Variants in MTMR8 observed in about 807,000 individuals in gnomAD.
MTMR8 encodes phosphatidylinositol-3,5-bisphosphate 3-phosphatase MTMR8.
Under a neutral mutation model 39.3 loss-of-function variants are expected in MTMR8, and 65 were observed. The ratio of observed to expected loss-of-function variants is 1.65; its 90% CI spans 1.35 to 2.03. The LOEUF (loss-of-function observed/expected upper bound fraction) is 2.03, where lower values mean the gene tolerates loss of function less well. Ranked by LOEUF, MTMR8 falls within the 30% of genes most tolerant of loss-of-function variation. The pLI, the probability that MTMR8 is intolerant of heterozygous loss-of-function variation, is 0.00. For synonymous variants in MTMR8, 245 were observed against 185.2 expected (o/e 1.32, Z -2.62); for missense variants, 777 against 538.9 (o/e 1.44, Z -4.37).
At chrX:64,271,440 G>A (rs1931757490) in intron 12 of MTMR8, among the ~76,000 whole-genome samples, 1 of 112,183 alleles carries the variant, frequency 8.9e-6, no homozygotes, top group African/African-American at 3.2e-5. Context: ...TTCCCCCAAT[G>A]GATACACTGA....
At chrX:64,315,720 A>G (rs1381564220) in intron 12 of MTMR8, among the ~76,000 whole-genome samples, 1 of 111,101 alleles carries the variant, frequency 9.0e-6, no homozygotes, top group African/African-American at 3.3e-5. Flanking sequence ...TATTAAGATC[A>G]TTTACATTTA....
rs150490007 is a variant in MTMR8 at position 64,359,484 on chromosome X, G to A, written c.68C>T (p.Pro23Leu). 43 of 1,204,347 alleles carry A rather than the reference G, an allele frequency of 3.6e-5. No homozygotes were observed. The African/African-American group carries it at 4.6e-4, about 13-fold the overall frequency. ...AGTAAGATAAAGAATCCCATTAGCT[G>A]GTTTCTTACTCACATAACGATCCAC... ...KLVDRYVSKKPANGILYLTAT... is the reference protein window; with the variant it reads ...KLVDRYVSKKLANGILYLTAT... The change falls in exon 2 of 14, where the codon CCA becomes CTA. Residue 23 changes from proline (P) to leucine (L), a missense_variant. Pro to Leu is a moderately conservative substitution (Grantham distance 98). Coordinates refer to ENST00000374852, the MANE Select transcript of MTMR8 (RefSeq NM_017677.4).
chrX:64,283,943 C>A (rs978689601), intron 12 of MTMR8, among the ~76,000 whole-genome samples: 1 of 112,417 alleles, frequency 8.9e-6, no homozygotes, highest in Non-Finnish European at 1.9e-5. Context: ...GAACGCAGCT[C>A]CTCAACAGCA....
intron 1 of MTMR8, among the ~76,000 whole-genome samples, chrX:64,366,481 CT>C (rs1305311421): frequency 8.9e-6 from 1 of 112,044 alleles, no homozygotes; most frequent in East Asian, 2.8e-4. Flanking sequence ...TACATGGAAG[CT>C]GAACAACCTG....
At position 64,356,184 on chromosome X, in the gene MTMR8, G is replaced by A. The variant is rs767679304; in HGVS notation, c.302C>T (p.Ser101Phe). Residue 101 changes from serine (S) to phenylalanine (F), a missense_variant, in exon 3 of 14, where the codon TCT becomes TTT. Transcript: ENST00000374852. Reference sequence around the variant, plus strand: ...AATACTATCATAACTACCTGGCTGAGAAAGCTTGAGCAGTGAAATATAAAC... The same window carrying A: ...AATACTATCATAACTACCTGGCTGAAAAAGCTTGAGCAGTGAAATATAAAC... ...HEVYISLLKL[S>F]QPALPEDLYA... 5 of 1,204,429 alleles carry A rather than the reference G, an allele frequency of 4.2e-6. No homozygotes were observed. The South Asian group carries it at 5.4e-5, about 13-fold the overall frequency.
chrX:64,364,738 G>A (rs994521945), intron 1 of MTMR8, among the ~76,000 whole-genome samples: 3 of 111,737 alleles, frequency 2.7e-5, no homozygotes, highest in African/African-American at 9.7e-5. Context: ...CACCAGCAAC[G>A]GAACAAAGCT....
intron 12 of MTMR8, among the ~76,000 whole-genome samples, chrX:64,325,579 C>A (rs1922767651): frequency 9.0e-6 from 1 of 111,512 alleles, no homozygotes; most frequent in South Asian, 3.7e-4. Flanking sequence ...AGGCATTTGA[C>A]AAAATTAAAT....
At chrX:64,326,797 T>A (rs1260340912) in intron 12 of MTMR8, among the ~76,000 whole-genome samples, 1 of 109,834 alleles carries the variant, frequency 9.1e-6, no homozygotes, top group Admixed American at 9.7e-5. Flanking sequence ...CTATCTGACT[T>A]CAAAATGTAC....
At chrX:64,367,948 C>A (rs1407698416) in intron 1 of MTMR8, among the ~76,000 whole-genome samples, 1 of 111,900 alleles carries the variant, frequency 8.9e-6, no homozygotes, top group Admixed American at 9.5e-5. Flanking sequence ...AAATCACAAG[C>A]ATTCCTATAC....
intron 12 of MTMR8, chrX:64,304,905 T>TATAC (rs1368909342): frequency 1.3e-5 from 1 of 78,861 alleles, no homozygotes; most frequent in Non-Finnish European, 2.5e-5. Context: ...TATATATATA[T>TATAC]ATACACATAC....
At chrX:64,336,396 G>A (rs1172085205) in intron 9 of MTMR8, among the ~76,000 whole-genome samples, 4 of 110,108 alleles carry the variant, frequency 3.6e-5, no homozygotes, top group African/African-American at 1.3e-4. Context: ...ATAACTAAAT[G>A]CAATCCTGAT....
intron 1 of MTMR8, among the ~76,000 whole-genome samples, chrX:64,362,251 A>G (rs903615994): frequency 6.5e-5 from 7 of 107,886 alleles, no homozygotes; most frequent in Non-Finnish European, 1.2e-4. Context: ...TTATCCCTCA[A>G]TCTATAAATT....
chrX:64,271,105 G>GTTAGT, intron 12 of MTMR8, 32 bp from the exon 13 acceptor site: 1 of 1,163,007 alleles, frequency 8.6e-7, no homozygotes, highest in South Asian at 2.1e-5. Flanking sequence ...GGAAAAGTGG[G>GTTAGT]TTAGTTTAGC....
chrX:64,301,163 G>A (rs1396048843), intron 12 of MTMR8, among the ~76,000 whole-genome samples: 1 of 109,948 alleles, frequency 9.1e-6, no homozygotes, highest in Non-Finnish European at 1.9e-5. Flanking sequence ...ATAATATCCT[G>A]CAGAGTGTTT....
rs778962275 is a variant in MTMR8, at chrX:64,308,320, A to ATTTT, written c.1481+20448_1481+20451dup. On this transcript the variant is annotated intron_variant, in intron 12 of 13. Transcript: ENST00000374852. The stretch of plus-strand genomic sequence containing the variant: ...CAGGTGCCTGCCATCACGGCTGGCT[A>ATTTT]TTTTTTTTTTTTTTTTTTTTTTGTA... 1.0e-4 allele frequency among the ~76,000 whole-genome samples: 7 copies of ATTTT among 69,601 alleles called. 1 individual carries two copies. Among genetic ancestry groups the ATTTT allele is most frequent in the African/African-American group, 4.5e-4 (7 of 15,406 alleles). The allele number at this position is 69,601 out of a possible 115,157, so 60.4% of individuals were successfully genotyped here. A position where few individuals can be genotyped will look rare whatever the true frequency, so the allele number is the denominator to read the frequency against.
chrX:64,344,680 GA>G (rs1002136973), intron 7 of MTMR8, among the ~76,000 whole-genome samples: 1 of 111,393 alleles, frequency 9.0e-6, no homozygotes, highest in Non-Finnish European at 1.9e-5. Flanking sequence ...CCAAATTAAA[GA>G]AGATAATTTC....
At chrX:64,392,363 A>G (rs1157654387) in intron 1 of MTMR8, among the ~76,000 whole-genome samples, 3 of 112,682 alleles carry the variant, frequency 2.7e-5, no homozygotes, top group Non-Finnish European at 3.7e-5. Context: ...TATAGCAATG[A>G]GAATGATCTA....
In MTMR8 at chrX:64,282,318, A is replaced by G. The variant is rs370390105; in HGVS notation, c.1482-11245T>C. 4.5e-5 allele frequency among the ~76,000 whole-genome samples: 5 copies of G among 110,793 alleles called. No individual in the cohort carries two copies. In the East Asian group the frequency reaches 1.1e-3, roughly 25 times the overall value. Reference sequence around the variant, plus strand: ...CACAATAGCTAAGACTTGGAACCACATGTGGACACAGGGAGGGGAACAACA... The same window carrying G: ...CACAATAGCTAAGACTTGGAACCACGTGTGGACACAGGGAGGGGAACAACA... On this transcript the variant is annotated intron_variant, in intron 12 of 13. Coordinates refer to ENST00000374852, the MANE Select transcript of MTMR8 (RefSeq NM_017677.4).
intron 8 of MTMR8, among the ~76,000 whole-genome samples, chrX:64,339,575 T>C (rs143596906): frequency 0.012 from 1,347 of 111,256 alleles, 20 homozygotes; most frequent in African/African-American, 0.042. Context: ...AAGAGGGCAA[T>C]AACTAGAAGA....
Sources: allele counts gnomAD v4.1 joint callset (sites outside exome capture counted in the v4.1 genomes callset), GRCh38; gene constraint gnomAD v4.1.1; transcripts MANE v1.5; gene names NCBI Gene and HGNC (gene_info 2026-07-23, HGNC 2026-07-21).